Variants in AGBL1 observed in about 807,000 individuals in gnomAD.
The protein encoded by AGBL1 is AGBL carboxypeptidase 1.
Under a neutral mutation model 118.9 loss-of-function variants are expected in AGBL1, and 130 were observed. That is an observed-to-expected ratio of 1.09 (90% CI 0.95 to 1.26). The LOEUF (loss-of-function observed/expected upper bound fraction) is 1.26. Ranked by LOEUF, AGBL1 falls within the 50% of genes most tolerant of loss-of-function variation. The probability of loss-of-function intolerance (pLI) is 0.00; values close to 1 mark genes in which losing one functional copy is unlikely to be tolerated. For missense variants in AGBL1, 1,584 were observed against 1,298.1 expected (o/e 1.22, Z -3.38); for synonymous variants, 555 against 478.9 (o/e 1.16, Z -2.08).
At chr15:86,312,253 A>G (rs2079932263) in intron 17 of AGBL1, 1 of 152,178 alleles carries the variant, frequency 6.6e-6, no homozygotes, top group Non-Finnish European at 1.5e-5. Flanking sequence ...GCAATTTCCA[A>G]TTTGTTGGTG....
Position 86,394,592 on chromosome 15 carries a change from G to T in AGBL1, c.2375-2774G>T, listed in dbSNP as rs79326942. Among the ~76,000 whole-genome samples the T allele has an allele frequency of 2.0e-5, 3 of 152,202 alleles. No homozygotes were observed. The South Asian group carries it at 6.2e-4, about 32-fold the overall frequency. ...CTGTTCTCAAACATCCAGAAGTAAC[G>T]AAGAAGCTGGTGAAAATGTGGTATA... On this transcript the variant is annotated intron_variant, in intron 17 of 22. Transcript: ENST00000614907.
At chr15:86,343,616 C>T (rs1292931523) in intron 17 of AGBL1, among the ~76,000 whole-genome samples, 1 of 152,120 alleles carries the variant, frequency 6.6e-6, no homozygotes, top group Non-Finnish European at 1.5e-5. Context: ...GCTCAGAAAA[C>T]ATGGATTAAA....
chr15:86,336,981 G>A (rs1454848700), intron 17 of AGBL1, among the ~76,000 whole-genome samples: 7 of 152,022 alleles, frequency 4.6e-5, no homozygotes, highest in Admixed American at 4.6e-4. Flanking sequence ...ACAAGACTCT[G>A]TATTTCTAGA....
chr15:86,818,763 T>A (rs537424101), intron 22 of AGBL1, among the ~76,000 whole-genome samples: 1 of 152,288 alleles, frequency 6.6e-6, no homozygotes, highest in African/African-American at 2.4e-5. Flanking sequence ...TGGCTCAGCA[T>A]AGTAATTTTG....
rs139855546 is a variant in AGBL1, at chr15:86,700,832, A to G, written c.3158+26396A>G. Among the ~76,000 whole-genome samples the G allele has an allele frequency of 1.7e-3, 266 of 152,136 alleles. 4 individuals carry two copies. The East Asian group carries it at 0.022, about 13-fold the overall frequency. On this transcript the variant is annotated intron_variant, in intron 22 of 22. Coordinates refer to ENST00000614907, the MANE Select transcript of AGBL1 (RefSeq NM_001386094.1). ...CTGATACCATGAAAGTTGAGATTCG[A>G]GTGTAGTTTAAATCGATTCATCCAA...
At chr15:86,934,797 G>T (rs942006726) in intron 23 of AGBL1, among the ~76,000 whole-genome samples, 1 of 152,160 alleles carries the variant, frequency 6.6e-6, no homozygotes, top group Admixed American at 6.5e-5. Context: ...GATACATGGT[G>T]AGGAAAATAG....
downstream of AGBL1, among the ~76,000 whole-genome samples, chr15:86,916,889 G>C (rs990443181): frequency 5.9e-5 from 9 of 152,280 alleles, no homozygotes; most frequent in East Asian, 1.7e-3. Flanking sequence ...TCTATTCAGA[G>C]CACAGAGCAG....
intron 18 of AGBL1, among the ~76,000 whole-genome samples, chr15:86,405,940 A>G (rs2081522527): frequency 6.6e-6 from 1 of 152,162 alleles, no homozygotes; most frequent in South Asian, 2.1e-4. Flanking sequence ...GAGGGGCTCC[A>G]TGAGGCTGGT....
intron 21 of AGBL1, among the ~76,000 whole-genome samples, chr15:86,594,537 C>G (rs1444133792): frequency 6.6e-6 from 1 of 152,076 alleles, no homozygotes; most frequent in African/African-American, 2.4e-5. Flanking sequence ...CTGGAGTTTT[C>G]TTTGTGGGAA....
intron 7 of AGBL1, among the ~76,000 whole-genome samples, chr15:86,250,654 A>T (rs1305270692): frequency 2.0e-5 from 3 of 148,602 alleles, no homozygotes; most frequent in Non-Finnish European, 3.0e-5. Flanking sequence ...TTGGAAAATG[A>T]TCATTGCAGG....
chr15:86,191,980 A>G (rs1352735934), intron 5 of AGBL1, among the ~76,000 whole-genome samples: 2 of 151,212 alleles, frequency 1.3e-5, no homozygotes, highest in Non-Finnish European at 2.9e-5. Context: ...ATGTGCCTGT[A>G]GTACCAGCTA....
intron 18 of AGBL1, among the ~76,000 whole-genome samples, chr15:86,517,227 A>T: frequency 6.6e-6 from 1 of 152,198 alleles, no homozygotes; most frequent in East Asian, 1.9e-4. Flanking sequence ...TTATAAAGTA[A>T]TAATTCCTTT....
chr15:86,452,377 G>A (rs1234193203), intron 18 of AGBL1, among the ~76,000 whole-genome samples: 1 of 152,166 alleles, frequency 6.6e-6, no homozygotes, highest in African/African-American at 2.4e-5. Context: ...CCTAGTGAGT[G>A]GGAGATGCCT....
chr15:86,801,418 A>G (rs2078648971), intron 22 of AGBL1, among the ~76,000 whole-genome samples: 1 of 151,854 alleles, frequency 6.6e-6, no homozygotes, highest in South Asian at 2.1e-4. Flanking sequence ...TGTGCCTGCT[A>G]CTTACTGTGT....
chr15:86,421,079 G>T (rs2081782838), intron 18 of AGBL1, among the ~76,000 whole-genome samples: 1 of 152,096 alleles, frequency 6.6e-6, no homozygotes, highest in Non-Finnish European at 1.5e-5. Flanking sequence ...AGCAAAACAG[G>T]CCAACATTCC....
chr15:86,768,094 A>G (rs946662360), intron 22 of AGBL1, among the ~76,000 whole-genome samples: 3 of 151,910 alleles, frequency 2.0e-5, no homozygotes, highest in African/African-American at 7.2e-5. Context: ...CCATATCCTC[A>G]ATCATTGCTC....
chr15:87,017,457 A>AC (rs2081618181), intron 24 of AGBL1, among the ~76,000 whole-genome samples: 1 of 152,042 alleles, frequency 6.6e-6, no homozygotes, highest in Non-Finnish European at 1.5e-5. Flanking sequence ...GCTGTTTTGC[A>AC]GCCTTCACTG....
chr15:86,476,200 A>C (rs1295345515), intron 18 of AGBL1, among the ~76,000 whole-genome samples: 4 of 152,240 alleles, frequency 2.6e-5, no homozygotes, highest in African/African-American at 9.6e-5. Context: ...AGCTAACATC[A>C]TAATGACAGG....
intron 22 of AGBL1, among the ~76,000 whole-genome samples, chr15:86,767,862 G>A (rs1431266760): frequency 6.6e-6 from 1 of 151,894 alleles, no homozygotes; most frequent in East Asian, 1.9e-4. Flanking sequence ...CATCACAATC[G>A]AGAAGTCAAA....
Sources: gnomAD v4.1 joint callset for allele counts (sites outside exome capture counted in the v4.1 genomes callset) on GRCh38, gnomAD v4.1.1 for gene constraint, MANE v1.5 for transcripts, NCBI Gene and HGNC (gene_info 2026-07-23, HGNC 2026-07-21) for gene names.